The following DHTKD1 variants were observed in gnomAD, a reference collection of about 807,000 sequenced individuals.
The protein encoded by DHTKD1 is dehydrogenase E1 and transketolase domain containing 1.
DHTKD1 carries 78 observed loss-of-function variants against 101.8 expected under a neutral mutation model. The ratio of observed to expected loss-of-function variants is 0.77; its 90% CI spans 0.64 to 0.93. DHTKD1 has a LOEUF of 0.93. Ranked by LOEUF, DHTKD1 falls within the 40% of genes least tolerant of loss-of-function variation. The pLI, the probability that DHTKD1 is intolerant of heterozygous loss-of-function variation, is 0.00. For missense variants in DHTKD1, 1,223 were observed against 1,161.7 expected (o/e 1.05, Z -0.77); for synonymous variants, 462 against 450.3 (o/e 1.03, Z -0.33).
intron 5 of DHTKD1, 102 bp from the exon 6 acceptor site, chr10:12,091,411 C>CA (rs71382619): frequency 0.28 from 53,826 of 191,670 alleles, 4,495 homozygotes; most frequent in African/African-American, 0.4. Flanking sequence ...GACTCTGTCT[C>CA]AAAAAAAAAA....
At chr10:12,105,287 T>A (rs1210805196) in intron 10 of DHTKD1, among the ~76,000 whole-genome samples, 1 of 151,740 alleles carries the variant, frequency 6.6e-6, no homozygotes, top group Admixed American at 6.6e-5. Flanking sequence ...TAGGACTTTA[T>A]TTTTTAACTT....
intron 1 of DHTKD1, among the ~76,000 whole-genome samples, chr10:12,074,990 G>C (rs914967418): frequency 6.6e-6 from 1 of 152,074 alleles, no homozygotes; most frequent in Admixed American, 6.6e-5. Flanking sequence ...GCCGGGTGTG[G>C]TCGCATGTGC....
chr10:12,120,339 CT>C (rs539793101), intron 16 of DHTKD1, 72 bp downstream of exon 16: 105,375 of 950,610 alleles, frequency 0.11, 19 homozygotes, highest in South Asian at 0.15. Context: ...TTCTTTCTTT[CT>C]TTTTTTTTTT....
chr10:12,099,214 T>C (rs1481478928), intron 8 of DHTKD1, among the ~76,000 whole-genome samples: 1 of 151,904 alleles, frequency 6.6e-6, no homozygotes, highest in African/African-American at 2.4e-5. Context: ...CCACTAACTT[T>C]AAGTTTTTAT....
chr10:12,113,202 T>G, intron 13 of DHTKD1, 138 bp downstream of exon 13: 1 of 856,290 alleles, frequency 1.2e-6, no homozygotes, highest in Non-Finnish European at 1.7e-6. Context: ...CTTTCATTTT[T>G]TTTGTTGTTT....
chr10:12,078,746 C>T (rs991334747), intron 1 of DHTKD1, among the ~76,000 whole-genome samples: 3 of 152,084 alleles, frequency 2.0e-5, no homozygotes, highest in Admixed American at 1.3e-4. Context: ...GTGGCACCAT[C>T]TCGGCTCACT....
In DHTKD1 at chr10:12,112,947, G is replaced by A. The variant is rs1417108730; in HGVS notation, c.2202G>A (p.Met734Ile). 1.2e-6 allele frequency: 2 copies of A among 1,613,624 alleles called. No homozygotes were observed. The highest frequency in any genetic ancestry group is 1.7e-5 in the Admixed American group (1 of 59,924). The change falls in exon 13 of 17, where the codon ATG (methionine) becomes ATA (isoleucine). Residue 734 changes from methionine (M) to isoleucine (I), a missense_variant. Met to Ile is a conservative substitution (Grantham distance 10). Coordinates refer to ENST00000263035, the MANE Select transcript of DHTKD1 (RefSeq NM_018706.7). Reference sequence around the variant, plus strand: ...GGGTGGACGGAGACACTGTGAACATGTTTGTGGTTCACCCAACAACTCCTG... The same window carrying A: ...GGGTGGACGGAGACACTGTGAACATATTTGTGGTTCACCCAACAACTCCTG... ...EEGVDGDTVN[M>I]FVVHPTTPAQ...
At chr10:12,078,365 C>A (rs1365862356) in intron 1 of DHTKD1, among the ~76,000 whole-genome samples, 1 of 151,662 alleles carries the variant, frequency 6.6e-6, no homozygotes, top group Non-Finnish European at 1.5e-5. Flanking sequence ...ACAGAGGTTG[C>A]AATGAGCCAT....
chr10:12,118,512 A>G (rs916713369), intron 14 of DHTKD1, among the ~76,000 whole-genome samples: 4 of 151,300 alleles, frequency 2.6e-5, no homozygotes, highest in Non-Finnish European at 5.9e-5. Context: ...CCTCCCGAGT[A>G]GCTGGGACTA....
rs1358675442 is a variant in DHTKD1 at position 12,089,126 on chromosome 10, T to C, written c.858T>C (p.Asn286=). Residue 286 remains asparagine, a synonymous_variant, in exon 5 of 17, where the codon AAT becomes AAC. Coordinates refer to ENST00000263035, the MANE Select transcript of DHTKD1 (RefSeq NM_018706.7). Reference sequence around the variant, plus strand: ...CCCTCCATGTGACAATGTTGCCCAATCCCTCGCACCTGGAGGCCGTCAACC... The same window carrying C: ...CCCTCCATGTGACAATGTTGCCCAACCCCTCGCACCTGGAGGCCGTCAACC... ...HHPLHVTMLP[N]PSHLEAVNPV... 6.2e-7 allele frequency: 1 copy of C among 1,614,048 alleles called. No homozygotes were observed. The highest frequency in any genetic ancestry group is 1.3e-5 in the African/African-American group (1 of 74,996).
chr10:12,122,204 A>C lies in DHTKD1; in HGVS notation c.*1316A>C, dbSNP rs957205353. 12 of 152,186 alleles carry C rather than the reference A, an allele frequency of 7.9e-5. No homozygotes were observed. Among genetic ancestry groups the C allele is most frequent in the African/African-American group, 2.9e-4 (12 of 41,456 alleles). The allele number at this position is 152,186 out of a possible 1,614,324, so 9.4% of individuals were successfully genotyped here. On this transcript the variant is annotated 3_prime_UTR_variant, in exon 17 of 17. Coordinates refer to ENST00000263035, the MANE Select transcript of DHTKD1 (RefSeq NM_018706.7). ...ACTTGTTTTTCTTTAAATTGTTCTTACAGTGATATCTTACTATTTTTAACT... is the reference window on the plus strand; with the variant it reads ...ACTTGTTTTTCTTTAAATTGTTCTTCCAGTGATATCTTACTATTTTTAACT...
At chr10:12,106,925 G>A (rs1180585705) in intron 11 of DHTKD1, among the ~76,000 whole-genome samples, 2 of 151,808 alleles carry the variant, frequency 1.3e-5, no homozygotes, top group East Asian at 1.9e-4. Context: ...ACCACCCCCT[G>A]TTTCAAGACA....
chr10:12,106,123 A>G lies in DHTKD1; in HGVS notation c.1897-123A>G, dbSNP rs1359874663. ...AAAGCAGAAACAAACAAACAAAAAG[A>G]ATGTGGTGATGAACGAGAGCAAGGC... On this transcript the variant is annotated intron_variant, in intron 10 of 16. Transcript: ENST00000263035. 10 of 1,002,390 alleles carry G rather than the reference A, an allele frequency of 1.0e-5. No homozygotes were observed. In the Admixed American group the frequency reaches 1.3e-4, roughly 13 times the overall value. 62.1% of individuals were successfully genotyped at this position (1,002,390 alleles called of 1,614,324 possible).
In DHTKD1 at chr10:12,113,021, A is replaced by G; in HGVS notation, c.2276A>G (p.Lys759Arg). The change falls in exon 13 of 17, where the codon AAA becomes AGA. Residue 759 changes from lysine to arginine, a missense_variant. Transcript: ENST00000263035. The stretch of plus-strand genomic sequence containing the variant: ...AGACAGATGGTCCGGAACTTCAGAA[A>G]ACCACTCATTGTTGCTTCCCCTAAG... ...LRRQMVRNFRKPLIVASPKML... is the reference protein window; with the variant it reads ...LRRQMVRNFRRPLIVASPKML... 6.8e-6 allele frequency: 11 copies of G among 1,613,518 alleles called. No individual in the cohort carries two copies. The highest frequency in any genetic ancestry group is 9.3e-6 in the Non-Finnish European group (11 of 1,179,770).
At chr10:12,109,188 A>G (rs1833291473) in intron 12 of DHTKD1, among the ~76,000 whole-genome samples, 2 of 152,012 alleles carry the variant, frequency 1.3e-5, no homozygotes, top group South Asian at 4.2e-4. Flanking sequence ...AGAGATATCA[A>G]TACATGTCAC....
Position 12,103,061 on chromosome 10 carries a change from A to T in DHTKD1, c.1896+1880A>T, listed in dbSNP as rs1278323208. Reference sequence around the variant, plus strand: ...AACATGGCGAAACCCTGTCTCTACTAAAAATACAAAAATTAGTCGGGCATG... The same window carrying T: ...AACATGGCGAAACCCTGTCTCTACTTAAAATACAAAAATTAGTCGGGCATG... On this transcript the variant is annotated intron_variant, in intron 10 of 16. Transcript: ENST00000263035. The surrounding 1 kb of genome is among the most constrained non-coding windows in gnomAD (Gnocchi z 4.8). Among the ~76,000 whole-genome samples the T allele has an allele frequency of 2.0e-5, 3 of 152,142 alleles. No individual in the cohort carries two copies.
At position 12,100,220 on chromosome 10, in the gene DHTKD1, G is replaced by A; in HGVS notation, c.1714G>A (p.Ala572Thr). The change falls in exon 9 of 17, where the codon GCC (alanine) becomes ACC (threonine). Residue 572 changes from alanine to threonine, a missense_variant. By Grantham distance (58) the Ala-to-Thr change is moderately conservative. Transcript: ENST00000263035. ...GATGGACGGAATCAAGCTAGACTGG[G>A]CCACCGCGGAAGCTCTTGCCTTGGG... Reference protein sequence around the residue: ...KMMDGIKLDWATAEALALGSL... With the variant: ...KMMDGIKLDWTTAEALALGSL... 2 of 1,595,060 alleles carry A rather than the reference G, an allele frequency of 1.3e-6. No homozygotes were observed. Among genetic ancestry groups the A allele is most frequent in the African/African-American group, 1.4e-5 (1 of 73,674 alleles).
At chr10:12,099,368 G>C (rs1175621684) in intron 8 of DHTKD1, among the ~76,000 whole-genome samples, 1 of 151,964 alleles carries the variant, frequency 6.6e-6, no homozygotes, top group Non-Finnish European at 1.5e-5. Flanking sequence ...ACTAACCTAA[G>C]CACGTGTTTG....
chr10:12,085,472 T>G (rs1832883451), intron 3 of DHTKD1, among the ~76,000 whole-genome samples: 1 of 152,186 alleles, frequency 6.6e-6, no homozygotes, highest in African/African-American at 2.4e-5. Flanking sequence ...TTATTCTAAG[T>G]AGCAAAATGT....
Sources: gnomAD v4.1 joint callset for allele counts (sites outside exome capture counted in the v4.1 genomes callset) on GRCh38, gnomAD v4.1.1 for gene constraint, Gnocchi (gnomAD v3.1) non-coding constraint, MANE v1.5 for transcripts, NCBI Gene and HGNC (gene_info 2026-07-23, HGNC 2026-07-21) for gene names.